UGT1A7: variants seen among roughly 807,000 people sequenced by gnomAD.
UGT1A7 encodes UDP glucuronosyltransferase family 1 member A7.
A neutral mutation model predicts 45.6 loss-of-function variants in UGT1A7; 33 were observed. The ratio of observed to expected loss-of-function variants is 0.72; its 90% CI spans 0.55 to 0.97. The LOEUF is 0.97. Ranked by LOEUF, UGT1A7 falls within the 50% of genes least tolerant of loss-of-function variation. The pLI is 0.00. For missense variants in UGT1A7, 684 were observed against 666.2 expected (o/e 1.03, Z -0.29); for synonymous variants, 274 against 250.6 (o/e 1.09, Z -0.88).
At chr2:233,770,024 C>A (rs1031341974) in intron 4 of UGT1A7, 31 of 161,058 alleles carry the variant, frequency 1.9e-4, no homozygotes, top group Non-Finnish European at 2.6e-4. Context: ...TCTTTCCCTG[C>A]ACTGTTGAAG....
intron 1 of UGT1A7, among the ~76,000 whole-genome samples, chr2:233,736,870 C>T (rs1044494188): frequency 6.6e-6 from 1 of 152,190 alleles, no homozygotes; most frequent in African/African-American, 2.4e-5. Context: ...GCAAATATTG[C>T]AGAACAGCAA....
intron 1 of UGT1A7, chr2:233,691,242 A>T (rs1483336353): frequency 4.5e-5 from 44 of 985,382 alleles, no homozygotes; most frequent in Non-Finnish European, 4.9e-5. Context: ...TGCTATCTAG[A>T]TGAACTCAAA....
intron 1 of UGT1A7, among the ~76,000 whole-genome samples, chr2:233,695,736 T>G (rs2075304736): frequency 1.3e-5 from 2 of 152,212 alleles, no homozygotes; most frequent in African/African-American, 4.8e-5. Flanking sequence ...TTTATGTTGC[T>G]GCACATGACA....
chr2:233,726,853 CAT>C (rs1443656538), intron 1 of UGT1A7, among the ~76,000 whole-genome samples: 1 of 152,180 alleles, frequency 6.6e-6, no homozygotes, highest in Non-Finnish European at 1.5e-5. Context: ...TCCTTTTCTC[CAT>C]AGTCTTCTAT....
chr2:233,743,267 C>T (rs1692250223), intron 1 of UGT1A7: 1 of 463,686 alleles, frequency 2.2e-6, no homozygotes, highest in Non-Finnish European at 4.0e-6. Flanking sequence ...TCTTCCTCCA[C>T]TTCCACCCTT....
At chr2:233,685,459 G>A (rs900170556) in intron 1 of UGT1A7, among the ~76,000 whole-genome samples, 1 of 152,190 alleles carries the variant, frequency 6.6e-6, no homozygotes, top group Non-Finnish European at 1.5e-5. Flanking sequence ...ACCATCTAGG[G>A]CCAGTGCAGC....
intron 1 of UGT1A7, among the ~76,000 whole-genome samples, chr2:233,683,363 T>C (rs1265014296): frequency 6.6e-6 from 1 of 152,196 alleles, no homozygotes; most frequent in African/African-American, 2.4e-5. Flanking sequence ...TTGGATGCAA[T>C]GTAGTTTTCC....
rs376887521 is a variant in UGT1A7, at chr2:233,757,535, A to AATATATATACATATACAT, written c.856-9490_856-9489insCATATACATATATATATA. On this transcript the variant is annotated intron_variant, in intron 1 of 4. Transcript: ENST00000373426. ...CAAAGCCAAAATCTTGCCTGTAAGG[A>AATATATATACATATACAT]ATATATATATATATATATATATATA... 8.8e-4 allele frequency among the ~76,000 whole-genome samples: 78 copies of AATATATATACATATACAT among 88,252 alleles called. 1 individual carries two copies. The highest frequency in any genetic ancestry group is 1.7e-3 in the African/African-American group (33 of 19,924). 57.9% of individuals were successfully genotyped at this position (88,252 alleles called of 152,430 possible). A position where few individuals can be genotyped will look rare whatever the true frequency, so the allele number is the denominator to read the frequency against.
At chr2:233,690,775 A>G in intron 1 of UGT1A7, 2 of 1,056,268 alleles carry the variant, frequency 1.9e-6, no homozygotes, top group South Asian at 3.6e-5. Context: ...ACACACACAC[A>G]TACACACACA....
chr2:233,729,673 A>G (rs1282991761), intron 1 of UGT1A7: 1 of 1,613,898 alleles, frequency 6.2e-7, no homozygotes, highest in South Asian at 1.1e-5. Flanking sequence ...TTTAGACTTT[A>G]AGGGCACACA....
chr2:233,703,735 G>A (rs1441976510), intron 1 of UGT1A7, among the ~76,000 whole-genome samples: 1 of 150,928 alleles, frequency 6.6e-6, no homozygotes, highest in Admixed American at 6.6e-5. Flanking sequence ...ACTTTTTTTT[G>A]TTTTTAAATC....
chr2:233,744,550 CAA>C (rs1194427613), intron 1 of UGT1A7, among the ~76,000 whole-genome samples: 3 of 151,848 alleles, frequency 2.0e-5, no homozygotes, highest in Non-Finnish European at 4.4e-5. Flanking sequence ...TTTATTAAGA[CAA>C]AATGTAGTGA....
intron 1 of UGT1A7, among the ~76,000 whole-genome samples, chr2:233,744,814 C>G (rs571865422): frequency 1.3e-5 from 2 of 151,886 alleles, no homozygotes; most frequent in Non-Finnish European, 2.9e-5. Flanking sequence ...GATTTCCTGG[C>G]TCATACTTTG....
Position 233,767,161 on chromosome 2 carries a change from A to G in UGT1A7, c.983A>G (p.Gln328Arg), listed in dbSNP as rs72551348. The change falls in exon 2 of 5, where the codon CAG becomes CGG. Residue 328 changes from glutamine (Q) to arginine (R), a missense_variant. Physicochemically the swap from Gln to Arg is conservative, Grantham distance 43. Coordinates refer to ENST00000373426, the MANE Select transcript of UGT1A7 (RefSeq NM_019077.3). Reference sequence around the variant, plus strand: ...GCTGATGCTTTGGGCAAAATCCCTCAGACAGTAAGAAGATTCTATACCATG... The same window carrying G: ...GCTGATGCTTTGGGCAAAATCCCTCGGACAGTAAGAAGATTCTATACCATG... ...AIADALGKIP[Q>R]TVLWRYTGTR... is the part of the protein sequence containing the mutation. 60 of 1,614,012 alleles carry G rather than the reference A, an allele frequency of 3.7e-5. No individual in the cohort carries two copies. The highest frequency in any genetic ancestry group is 4.7e-5 in the Non-Finnish European group (55 of 1,180,018).
intron 1 of UGT1A7, chr2:233,693,778 C>G: frequency 6.2e-7 from 1 of 1,614,186 alleles, no homozygotes; most frequent in Non-Finnish European, 8.5e-7. Flanking sequence ...TAAGATATGA[C>G]TTTGTGCTTG....
At chr2:233,729,259 C>A (rs45625338) in intron 1 of UGT1A7, 1 of 1,613,960 alleles carries the variant, frequency 6.2e-7, no homozygotes, top group Admixed American at 1.7e-5. Context: ...GCTCAGCATG[C>A]GGGAGGTCTT....
intron 1 of UGT1A7, among the ~76,000 whole-genome samples, chr2:233,702,779 G>A (rs558414235): frequency 6.6e-6 from 1 of 152,162 alleles, no homozygotes; most frequent in African/African-American, 2.4e-5. Context: ...ATTTGCAGGT[G>A]TAAACGAACC....
In UGT1A7 at chr2:233,721,831, C is replaced by T. The variant is rs75130623; in HGVS notation, c.855+39039C>T. ...AAATCCAGCACCCTATTTGGGCCACCGACCTTGTGTCCAGCCCCACTGCTC... is the reference window on the plus strand; with the variant it reads ...AAATCCAGCACCCTATTTGGGCCACTGACCTTGTGTCCAGCCCCACTGCTC... On this transcript the variant is annotated intron_variant, in intron 1 of 4. Transcript: ENST00000373426. 6.7e-3 allele frequency: 3,461 copies of T among 513,060 alleles called. 26 individuals carry two copies. Among genetic ancestry groups the T allele is most frequent in the Non-Finnish European group, 0.011 (2,698 of 255,510 alleles). 31.8% of individuals were successfully genotyped at this position (513,060 alleles called of 1,614,324 possible).
intron 1 of UGT1A7, among the ~76,000 whole-genome samples, chr2:233,697,775 A>G (rs919949633): frequency 6.6e-6 from 1 of 151,896 alleles, no homozygotes; most frequent in African/African-American, 2.4e-5. Flanking sequence ...TTGTGTTTCC[A>G]TTTTCATTCG....
Sources: gnomAD v4.1 joint callset for allele counts (sites outside exome capture counted in the v4.1 genomes callset) on GRCh38, gnomAD v4.1.1 for gene constraint, MANE v1.5 for transcripts, NCBI Gene and HGNC (gene_info 2026-07-23, HGNC 2026-07-21) for gene names.